The following ITGB6 variants were observed in gnomAD, a reference collection of about 807,000 sequenced individuals.
ITGB6 encodes the protein integrin beta-6.
Under a neutral mutation model 84.5 loss-of-function variants are expected in ITGB6, and 80 were observed. The ratio of observed to expected loss-of-function variants is 0.95; its 90% CI spans 0.79 to 1.14. The LOEUF is 1.14. Among genes scored for constraint, ITGB6 ranks in the 50% most tolerant of loss-of-function variants. The pLI, the probability that ITGB6 is intolerant of heterozygous loss-of-function variation, is 0.00. For missense variants in ITGB6, 1,006 were observed against 968.0 expected, an observed-to-expected ratio of 1.04 and a Z score of -0.52; for synonymous variants, 383 against 354.9, an observed-to-expected ratio of 1.08 and a Z score of -0.89.
At chr2:160,144,854 C>T (rs1444097391) in intron 7 of ITGB6, among the ~76,000 whole-genome samples, 6 of 152,096 alleles carry the variant, frequency 3.9e-5, no homozygotes, top group East Asian at 3.9e-4. Flanking sequence ...ACTAGAGTGA[C>T]GATATAAAAG....
rs574565648 is a variant in ITGB6, at chr2:160,112,260, A to G, written c.1982-61T>C. On this transcript the variant is annotated intron_variant, in intron 12 of 14. Coordinates refer to ENST00000283249, the MANE Select transcript of ITGB6 (RefSeq NM_000888.5). ...GATTCCAAAAGAGATTGTTTTTAAA[A>G]CAAAGTAGTATTGAGTTTTAATATG... is the stretch of plus-strand genomic sequence containing the variant. 53 of 1,467,876 alleles carry G rather than the reference A, an allele frequency of 3.6e-5. No homozygotes were observed. In the East Asian group the frequency reaches 1.2e-3, roughly 32 times the overall value. The allele number at this position is 1,467,876 out of a possible 1,614,324, so 90.9% of individuals were successfully genotyped here.
In ITGB6 at chr2:160,196,340, G is replaced by A. The variant is rs1472071609; in HGVS notation, c.222C>T (p.Phe74=). Reference sequence around the variant, plus strand: ...CTACTTGGGAGACAGGGTTTTCGATGAAGTTTAATTGACATCCTTTAGCTA... The same window carrying A: ...CTACTTGGGAGACAGGGTTTTCGATAAAGTTTAATTGACATCCTTTAGCTA... ...NLLAKGCQLN[F]IENPVSQVEI... is the part of the protein sequence containing the mutation. Residue 74 remains phenylalanine, a synonymous_variant, in exon 3 of 15, where the codon TTC becomes TTT. Coordinates refer to ENST00000283249, the MANE Select transcript of ITGB6 (RefSeq NM_000888.5). The A allele has an allele frequency of 6.2e-7, 1 of 1,614,054 alleles. No individual in the cohort carries two copies. Among genetic ancestry groups the A allele is most frequent in the Non-Finnish European group, 8.5e-7 (1 of 1,179,986 alleles).
At chr2:160,109,827 T>C (rs1429393015) in intron 13 of ITGB6, among the ~76,000 whole-genome samples, 1 of 152,230 alleles carries the variant, frequency 6.6e-6, no homozygotes, top group East Asian at 1.9e-4. Flanking sequence ...AATGTGCATA[T>C]TGAGTGCTTG....
chr2:160,109,023 G>C (rs1396712863), intron 13 of ITGB6, among the ~76,000 whole-genome samples: 2 of 152,138 alleles, frequency 1.3e-5, no homozygotes, highest in Non-Finnish European at 2.9e-5. Context: ...GATCTGGGGA[G>C]GAAATGAATG....
intron 14 of ITGB6, among the ~76,000 whole-genome samples, chr2:160,106,638 A>G (rs762808540): frequency 6.6e-5 from 10 of 152,212 alleles, no homozygotes; most frequent in Non-Finnish European, 1.5e-4. Flanking sequence ...ATCTAAATGC[A>G]TTTTTAATGG....
intron 7 of ITGB6, among the ~76,000 whole-genome samples, chr2:160,145,825 C>A (rs115025009): frequency 1.5e-3 from 226 of 152,282 alleles, no homozygotes; most frequent in African/African-American, 5.1e-3. Context: ...TTGGTGATAT[C>A]CTGGCTTTCT....
intron 12 of ITGB6, among the ~76,000 whole-genome samples, chr2:160,120,818 A>C (rs951255711): frequency 4.0e-5 from 6 of 148,718 alleles, no homozygotes; most frequent in African/African-American, 1.5e-4. Context: ...AGGACAGAAA[A>C]CCAAACACCA....
At chr2:160,138,001 G>A in intron 9 of ITGB6, 64 bp downstream of exon 9, 1 of 1,542,884 alleles carries the variant, frequency 6.5e-7, no homozygotes, top group Admixed American at 2.0e-5. Flanking sequence ...CAGCTTCAGT[G>A]AGCTCAGCTA....
intron 7 of ITGB6, among the ~76,000 whole-genome samples, chr2:160,145,450 G>A (rs774293501): frequency 3.9e-5 from 6 of 151,936 alleles, no homozygotes; most frequent in African/African-American, 1.5e-4. Context: ...CTCTTCACTC[G>A]GCCCCATCTC....
At chr2:160,157,713 T>A (rs2105847723) in intron 7 of ITGB6, among the ~76,000 whole-genome samples, 2 of 119,370 alleles carry the variant, frequency 1.7e-5, no homozygotes, top group South Asian at 4.8e-4. Flanking sequence ...GGCTACATTT[T>A]GAAAGAAATG....
intron 13 of ITGB6, among the ~76,000 whole-genome samples, chr2:160,109,977 G>T (rs971655358): frequency 6.6e-6 from 1 of 152,122 alleles, no homozygotes; most frequent in Admixed American, 6.5e-5. Flanking sequence ...GGATAACATC[G>T]TAAATAAAAT....
chr2:160,135,873 C>T (rs1441967534), intron 10 of ITGB6, among the ~76,000 whole-genome samples: 1 of 152,168 alleles, frequency 6.6e-6, no homozygotes, highest in Admixed American at 6.5e-5. Context: ...GAAACTGGAT[C>T]CCTTCCTTAC....
chr2:160,196,569 G>A (rs114925070), intron 2 of ITGB6, 149 bp from the exon 3 acceptor site: 10 of 650,500 alleles, frequency 1.5e-5, no homozygotes, highest in Non-Finnish European at 2.4e-5. Flanking sequence ...ATTGATTATA[G>A]GTCTAAAGTT....
intron 10 of ITGB6, among the ~76,000 whole-genome samples, chr2:160,136,671 A>G (rs1185030782): frequency 6.6e-6 from 1 of 152,244 alleles, no homozygotes; most frequent in Non-Finnish European, 1.5e-5. Flanking sequence ...ACAATGATAG[A>G]TTGGATTAAG....
rs75540049 is a variant in ITGB6, at chr2:160,180,317, T to C, written c.594-6178A>G. On this transcript the variant is annotated intron_variant, in intron 4 of 14. Transcript: ENST00000283249. ...GATTAGATTAAAGAGGTGGATTTTC[T>C]TTCTTTTTATAGAGCCTTGGACACT... 1.6e-3 allele frequency among the ~76,000 whole-genome samples: 239 copies of C among 152,308 alleles called. 1 individual carries two copies. The highest frequency in any genetic ancestry group is 5.4e-3 in the African/African-American group (225 of 41,564).
intron 13 of ITGB6, among the ~76,000 whole-genome samples, chr2:160,109,645 A>G (rs1697047240): frequency 6.6e-6 from 1 of 152,272 alleles, no homozygotes; most frequent in African/African-American, 2.4e-5. Flanking sequence ...CACTTTTCAT[A>G]CTTGGATGTT....
Position 160,155,260 on chromosome 2 carries a change from T to C in ITGB6, c.1018-13189A>G, listed in dbSNP as rs541386732. Among the ~76,000 whole-genome samples the C allele has an allele frequency of 5.3e-5, 8 of 152,182 alleles. No individual in the cohort carries two copies. The East Asian group carries it at 9.7e-4, about 18-fold the overall frequency. ...TGTGGCATTCTGGAAAAGGCAAAACTGTGGAGCCAGTAAAAAGATGAGTGG... is the reference window on the plus strand; with the variant it reads ...TGTGGCATTCTGGAAAAGGCAAAACCGTGGAGCCAGTAAAAAGATGAGTGG... On this transcript the variant is annotated intron_variant, in intron 7 of 14. Transcript: ENST00000283249.
At chr2:160,192,825 A>G (rs1686193585) in intron 4 of ITGB6, among the ~76,000 whole-genome samples, 1 of 152,166 alleles carries the variant, frequency 6.6e-6, no homozygotes, top group South Asian at 2.1e-4. Flanking sequence ...AAAATGGGCA[A>G]AAGATTTGAA....
intron 4 of ITGB6, among the ~76,000 whole-genome samples, chr2:160,191,689 GA>G (rs1260415010): frequency 6.6e-6 from 1 of 152,068 alleles, no homozygotes; most frequent in Non-Finnish European, 1.5e-5. Flanking sequence ...TAAGAAATAA[GA>G]AAGAAGAAGC....
Sources: gnomAD v4.1 joint callset for allele counts (sites outside exome capture counted in the v4.1 genomes callset) on GRCh38, gnomAD v4.1.1 for gene constraint, MANE v1.5 for transcripts, NCBI Gene and HGNC (gene_info 2026-07-23, HGNC 2026-07-21) for gene names.